Variants in MAP4 observed in about 807,000 individuals in gnomAD.
The protein encoded by MAP4 is microtubule associated protein 4.
In MAP4, 76 loss-of-function variants were observed where a neutral mutation model predicts 170.2. That is an observed-to-expected ratio of 0.45 (90% confidence interval 0.37 to 0.54). The LOEUF (loss-of-function observed/expected upper bound fraction) is 0.54, where lower values mean the gene tolerates loss of function less well. Ranked by LOEUF, MAP4 falls within the 20% of genes least tolerant of loss-of-function variation. The probability of loss-of-function intolerance (pLI) is 0.00; values close to 1 mark genes in which losing one functional copy is unlikely to be tolerated. For missense variants in MAP4, 2,506 were observed against 2,748.0 expected, an observed-to-expected ratio of 0.91 and a Z score of 1.97; for synonymous variants, 909 against 994.5, an observed-to-expected ratio of 0.91 and a Z score of 1.62.
intron 1 of MAP4, among the ~76,000 whole-genome samples, chr3:48,062,368 C>T (rs918581572): frequency 2.0e-5 from 3 of 151,360 alleles, no homozygotes; most frequent in African/African-American, 4.9e-5. Flanking sequence ...TGCGGAAGGC[C>T]GCAGGGTCCT....
At chr3:48,032,292 C>T (rs1315968515) in intron 1 of MAP4, among the ~76,000 whole-genome samples, 3 of 151,842 alleles carry the variant, frequency 2.0e-5, no homozygotes, top group African/African-American at 7.3e-5. Context: ...GTCAGGAGTT[C>T]GCGAGCGGCC....
chr3:47,956,539 A>G (rs2100067924), intron 3 of MAP4, among the ~76,000 whole-genome samples: 1 of 152,170 alleles, frequency 6.6e-6, no homozygotes, highest in Admixed American at 6.5e-5. Context: ...AGAGATTTAT[A>G]CTCATTTATG....
chr3:47,910,196 C>T lies in MAP4; in HGVS notation c.4225G>A (p.Asp1409Asn). 2 of 1,613,268 alleles carry T rather than the reference C, an allele frequency of 1.2e-6. No homozygotes were observed. Among genetic ancestry groups the T allele is most frequent in the Non-Finnish European group, 1.7e-6 (2 of 1,179,864 alleles). ...DQGIEGMAYM[D>N]ENRNITFTCP... The stretch of plus-strand genomic sequence containing the variant: ...GTAAATGTAATATTTCTATTTTCGT[C>T]CATATAGGCCATTCCTTCAATTCCC... The change falls in exon 9 of 21, where the codon GAC (aspartate) becomes AAC (asparagine). Residue 1409 changes from aspartate to asparagine, a missense_variant. Around this residue, in one of 3 missense-constraint regions of MAP4, gnomAD observed 2,008 missense variants for 2,206.0 expected, o/e 0.91. Coordinates refer to ENST00000683076, the MANE Select transcript of MAP4 (RefSeq NM_001385682.1).
intron 1 of MAP4, among the ~76,000 whole-genome samples, chr3:48,056,942 T>A (rs1301269315): frequency 1.4e-4 from 15 of 107,144 alleles, no homozygotes; most frequent in African/African-American, 5.9e-4. Context: ...GGTGGGGGGT[T>A]CAGCCCCCCG....
rs1471001553 is a variant in MAP4 at position 47,912,345 on chromosome 3, C to T, written c.2076G>A (p.Arg692=). ...CAGGAGGGACCCTGGCAGGCTTGGGCCGGGTTGACCTGCGGTCACTGGGTC... is the reference window on the plus strand; with the variant it reads ...CAGGAGGGACCCTGGCAGGCTTGGGTCGGGTTGACCTGCGGTCACTGGGTC... ...VCRPSDRRST[R]PKPARVPPEL... Residue 692 remains arginine, a synonymous_variant, in exon 9 of 21, where the codon CGG becomes CGA. Transcript: ENST00000683076. 3 of 1,535,830 alleles carry T rather than the reference C, an allele frequency of 2.0e-6. No homozygotes were observed. The highest frequency in any genetic ancestry group is 1.2e-5 in the South Asian group (1 of 84,066).
At chr3:47,996,107 C>T (rs868423428) in intron 2 of MAP4, among the ~76,000 whole-genome samples, 1 of 152,144 alleles carries the variant, frequency 6.6e-6, no homozygotes, top group African/African-American at 2.4e-5. Context: ...AAGGCCACCA[C>T]CATTAAGGGA....
intron 3 of MAP4, among the ~76,000 whole-genome samples, chr3:47,949,066 C>T (rs1018559757): frequency 6.6e-6 from 1 of 152,174 alleles, no homozygotes; most frequent in African/African-American, 2.4e-5. Flanking sequence ...AAAAAGACAA[C>T]AATTTAACGC....
intron 3 of MAP4, 46 bp downstream of exon 3, chr3:47,977,819 G>A: frequency 1.6e-6 from 2 of 1,275,550 alleles, no homozygotes; most frequent in South Asian, 2.4e-5. Context: ...GGTGTTCATT[G>A]TAAGTGCATC....
At chr3:47,946,518 G>A (rs1259085748) in intron 3 of MAP4, among the ~76,000 whole-genome samples, 1 of 151,566 alleles carries the variant, frequency 6.6e-6, no homozygotes, top group Non-Finnish European at 1.5e-5. Flanking sequence ...GCCGGGTGTT[G>A]TGGCACAAAC....
rs1385845047 is a variant in MAP4 at position 47,910,614 on chromosome 3, A to G, written c.3807T>C (p.Asp1269=). ...TATCTGGTGTATGTGAGAACGAAGA[A>G]TCATGCATTTTGGGGAAAGTAAATC... is the stretch of plus-strand genomic sequence containing the variant. ...EIGFTFPKMH[D]SSFSHTPDTP... Residue 1269 remains aspartate, a synonymous_variant, in exon 9 of 21, where the codon GAT becomes GAC. Transcript: ENST00000683076. 1 of 1,536,130 alleles carries G rather than the reference A, an allele frequency of 6.5e-7. No homozygotes were observed. Among genetic ancestry groups the G allele is most frequent in the South Asian group, 1.2e-5 (1 of 84,056 alleles).
intron 17 of MAP4, among the ~76,000 whole-genome samples, chr3:47,866,504 C>T (rs1237915369): frequency 6.6e-6 from 1 of 151,692 alleles, no homozygotes; most frequent in Admixed American, 6.6e-5. Flanking sequence ...GCCTGTAATC[C>T]CAGCACTTTG....
At chr3:48,004,417 A>G (rs1436870989) in intron 1 of MAP4, among the ~76,000 whole-genome samples, 4 of 152,242 alleles carry the variant, frequency 2.6e-5, no homozygotes, top group South Asian at 4.1e-4. Flanking sequence ...TGGAAAACCA[A>G]CGAACATAAT....
intron 10 of MAP4, among the ~76,000 whole-genome samples, chr3:47,878,603 G>A (rs1305865382): frequency 2.6e-5 from 4 of 152,040 alleles, no homozygotes; most frequent in Admixed American, 6.6e-5. Flanking sequence ...GCAATGCTGC[G>A]ATCTCGGCTC....
intron 10 of MAP4, among the ~76,000 whole-genome samples, chr3:47,894,402 G>A (rs1316991089): frequency 6.6e-6 from 1 of 152,068 alleles, no homozygotes; most frequent in Non-Finnish European, 1.5e-5. Flanking sequence ...CTAACATGGT[G>A]AAACCCTGTC....
chr3:47,889,881 T>TA (rs1351358700), intron 10 of MAP4, among the ~76,000 whole-genome samples: 3 of 149,938 alleles, frequency 2.0e-5, no homozygotes, highest in African/African-American at 5.0e-5. Flanking sequence ...TTTGCCTCCA[T>TA]AAAAAAACGT....
intron 12 of MAP4, among the ~76,000 whole-genome samples, chr3:47,874,446 G>A (rs2094552566): frequency 6.6e-6 from 1 of 152,134 alleles, no homozygotes; most frequent in Admixed American, 6.5e-5. Flanking sequence ...TCCAGCCTGG[G>A]TGACAGAGCG....
At chr3:47,981,952 C>A (rs1049616745) in intron 2 of MAP4, among the ~76,000 whole-genome samples, 1 of 151,986 alleles carries the variant, frequency 6.6e-6, no homozygotes, top group Non-Finnish European at 1.5e-5. Flanking sequence ...AAAGCATTTC[C>A]AATAAAATTC....
At position 47,909,189 on chromosome 3, in the gene MAP4, C is replaced by T; in HGVS notation, c.5232G>A (p.Lys1744=). 6.2e-7 allele frequency: 1 copy of T among 1,613,890 alleles called. No individual in the cohort carries two copies. Among genetic ancestry groups the T allele is most frequent in the East Asian group, 2.2e-5 (1 of 44,874 alleles). The part of the protein sequence containing the change: ...PQKMTEKSES[K]TPGEGKKEDK... ...CTTCCTTTTTCCCTTCTCCTGGTGTCTTTGATTCAGATTTTTCTGTCATTT... is the reference window on the plus strand; with the variant it reads ...CTTCCTTTTTCCCTTCTCCTGGTGTTTTTGATTCAGATTTTTCTGTCATTT... The change falls in exon 9 of 21, where the codon AAG becomes AAA. Residue 1744 remains lysine, a synonymous_variant. Transcript: ENST00000683076.
At chr3:47,876,140 T>C (rs1022096023) in intron 11 of MAP4, among the ~76,000 whole-genome samples, 4 of 147,526 alleles carry the variant, frequency 2.7e-5, no homozygotes, top group Non-Finnish European at 4.5e-5. Flanking sequence ...TTCTTTCTTT[T>C]TTTTTTTTTT....
Sources: gnomAD v4.1 joint callset for allele counts (sites outside exome capture counted in the v4.1 genomes callset) on GRCh38, gnomAD v4.1.1 for gene constraint, gnomAD v4.1.1 regional missense constraint, MANE v1.5 for transcripts, NCBI Gene and HGNC (gene_info 2026-07-23, HGNC 2026-07-21) for gene names.